Variants in RAB3D observed in about 807,000 individuals in gnomAD.
RAB3D encodes RAB3D, member RAS oncogene family.
In RAB3D, 17 loss-of-function variants were observed where a neutral mutation model predicts 19.3. The observed-to-expected ratio is 0.88, with a 90% CI of 0.60 to 1.32. The LOEUF (loss-of-function observed/expected upper bound fraction) is 1.32, where lower values mean the gene tolerates loss of function less well. Ranked by LOEUF, RAB3D falls within the 40% of genes most tolerant of loss-of-function variation. The pLI, the probability that RAB3D is intolerant of heterozygous loss-of-function variation, is 0.00. For synonymous variants in RAB3D, 103 were observed against 119.9 expected (o/e 0.86, Z 0.92); for missense variants, 223 against 299.1 (o/e 0.75, Z 1.88).
chr19:11,337,380 G>C lies in RAB3D; in HGVS notation c.20C>G (p.Thr7Ser). Residue 7 changes from threonine to serine, a missense_variant, in exon 2 of 5, where the codon ACC becomes AGC. Coordinates refer to ENST00000222120, the MANE Select transcript of RAB3D (RefSeq NM_004283.4). MASAGD[T>S]QAGPRDAADQ... is the part of the protein sequence containing the mutation. ...TGCTGCATCCCGTGGGCCTGCCTGG[G>C]TGTCTCCAGCTGATGCCATCTTGGC... 6.2e-7 allele frequency: 1 copy of C among 1,614,052 alleles called. No homozygotes were observed. Among genetic ancestry groups the C allele is most frequent in the Admixed American group, 1.7e-5 (1 of 60,014 alleles).
intron 4 of RAB3D, among the ~76,000 whole-genome samples, chr19:11,327,618 C>T (rs555941456): frequency 7.2e-5 from 11 of 152,050 alleles, no homozygotes; most frequent in East Asian, 1.9e-4. Flanking sequence ...AGGCTGGTAT[C>T]GAACTCTTGA....
intron 4 of RAB3D, among the ~76,000 whole-genome samples, chr19:11,332,957 G>A (rs1435263668): frequency 6.6e-6 from 1 of 152,054 alleles, no homozygotes; most frequent in Non-Finnish European, 1.5e-5. Context: ...ATTTGTCAGA[G>A]GAAAAGGCTA....
chr19:11,329,335 G>A (rs574529401), intron 4 of RAB3D, among the ~76,000 whole-genome samples: 22 of 152,178 alleles, frequency 1.4e-4, no homozygotes, highest in African/African-American at 4.8e-4. Flanking sequence ...CAGGCCAGGC[G>A]TGGTGGCTCA....
At chr19:11,325,626 A>AG (rs56363898) in intron 4 of RAB3D, 41 bp from the exon 5 acceptor site, 1,552,364 of 1,552,402 alleles carry the variant, frequency 1, 776,163 homozygotes, top group Middle Eastern at 1. Flanking sequence ...AAGACCCCTG[A>AG]GGGCAGAGTC....
At chr19:11,338,162 T>C (rs1265441382) in intron 1 of RAB3D, among the ~76,000 whole-genome samples, 1 of 151,996 alleles carries the variant, frequency 6.6e-6, no homozygotes, top group Non-Finnish European at 1.5e-5. Flanking sequence ...GCACAAAAAA[T>C]GTGACTGCTG....
chr19:11,336,054 T>C (rs1395752082), intron 2 of RAB3D, among the ~76,000 whole-genome samples: 1 of 152,062 alleles, frequency 6.6e-6, no homozygotes, highest in Non-Finnish European at 1.5e-5. Context: ...GTCTCAGGGG[T>C]CAGTGGCCTC....
intron 2 of RAB3D, among the ~76,000 whole-genome samples, 195 bp downstream of exon 2, chr19:11,336,977 A>G (rs973678411): frequency 1.8e-4 from 27 of 150,622 alleles, no homozygotes; most frequent in African/African-American, 6.4e-4. Flanking sequence ...CTCGAGAGAA[A>G]AAAAAAAAAA....
intron 4 of RAB3D, among the ~76,000 whole-genome samples, chr19:11,331,682 G>A (rs1477685124): frequency 1.3e-5 from 2 of 151,796 alleles, no homozygotes; most frequent in Non-Finnish European, 2.9e-5. Context: ...TGTAGAGTTG[G>A]GGTCTCACTA....
intron 4 of RAB3D, among the ~76,000 whole-genome samples, chr19:11,334,170 A>G (rs2147969677): frequency 6.6e-6 from 1 of 152,214 alleles, no homozygotes; most frequent in East Asian, 1.9e-4. Context: ...AGTCGTATCC[A>G]CTATTTTGCT....
In RAB3D at chr19:11,337,205, G is replaced by A. The variant is rs776853027; in HGVS notation, c.195C>T (p.Tyr65=). 1 of 1,614,108 alleles carries A rather than the reference G, an allele frequency of 6.2e-7. No individual in the cohort carries two copies. Among genetic ancestry groups the A allele is most frequent in the Non-Finnish European group, 8.5e-7 (1 of 1,180,010 alleles). Residue 65 remains tyrosine, a synonymous_variant, in exon 2 of 5, where the codon TAC becomes TAT. Coordinates refer to ENST00000222120, the MANE Select transcript of RAB3D (RefSeq NM_004283.4). ...GCAGCTTGATCCTCTTGTCATGGCG[G>A]TAGACGGTCTTGACCTTGAAATCGA... ...VGIDFKVKTV[Y]RHDKRIKLQI...
chr19:11,336,222 G>A (rs780545048), intron 2 of RAB3D, among the ~76,000 whole-genome samples: 7 of 152,138 alleles, frequency 4.6e-5, no homozygotes, highest in African/African-American at 9.7e-5. Flanking sequence ...AGACCAGGTC[G>A]GTCCAATGGG....
intron 4 of RAB3D, among the ~76,000 whole-genome samples, chr19:11,330,791 C>T (rs1402296039): frequency 6.6e-6 from 1 of 151,928 alleles, no homozygotes; most frequent in Non-Finnish European, 1.5e-5. Context: ...ACCTTGTGAT[C>T]CACCCGCCTC....
intron 4 of RAB3D, among the ~76,000 whole-genome samples, chr19:11,328,363 T>TG (rs1293356923): frequency 7.7e-6 from 1 of 129,260 alleles, no homozygotes; most frequent in Non-Finnish European, 1.6e-5. Context: ...AGAAGAAGGT[T>TG]GGGGGGTGCC....
intron 4 of RAB3D, among the ~76,000 whole-genome samples, chr19:11,328,565 T>C (rs1327020137): frequency 2.0e-5 from 3 of 152,030 alleles, no homozygotes; most frequent in African/African-American, 7.2e-5. Flanking sequence ...AAGAATTGCT[T>C]GAACCCGGGA....
At chr19:11,327,387 C>T (rs1025235991) in intron 4 of RAB3D, among the ~76,000 whole-genome samples, 7 of 152,108 alleles carry the variant, frequency 4.6e-5, no homozygotes, top group African/African-American at 7.2e-5. Context: ...TGCCTCATAC[C>T]ATCTGTGTTC....
intron 4 of RAB3D, among the ~76,000 whole-genome samples, chr19:11,325,857 T>A (rs28397710): frequency 0.083 from 12,666 of 152,218 alleles, 1,035 homozygotes; most frequent in African/African-American, 0.22. Context: ...GAGGATCGCT[T>A]GAGGCCAGGA....
chr19:11,337,727 G>A (rs970009334), intron 1 of RAB3D, among the ~76,000 whole-genome samples: 2 of 151,154 alleles, frequency 1.3e-5, no homozygotes, highest in African/African-American at 4.9e-5. Flanking sequence ...CTGGAGCGCA[G>A]TGGCGTGATC....
intron 4 of RAB3D, among the ~76,000 whole-genome samples, chr19:11,326,208 C>T (rs970930906): frequency 6.8e-6 from 1 of 147,974 alleles, no homozygotes; most frequent in African/African-American, 2.6e-5. Flanking sequence ...GGCAACAGAG[C>T]GAGATTCTAT....
intron 4 of RAB3D, among the ~76,000 whole-genome samples, chr19:11,332,583 G>A (rs1350372121): frequency 1.3e-5 from 2 of 152,114 alleles, no homozygotes; most frequent in East Asian, 1.9e-4. Context: ...GGGCTTCAGC[G>A]ATCTACCCAC....
Sources: gnomAD v4.1 joint callset for allele counts (sites outside exome capture counted in the v4.1 genomes callset) on GRCh38, gnomAD v4.1.1 for gene constraint, MANE v1.5 for transcripts, NCBI Gene and HGNC (gene_info 2026-07-23, HGNC 2026-07-21) for gene names.